The following PACRG variants were observed in gnomAD, a reference collection of about 807,000 sequenced individuals.
PACRG encodes the protein parkin coregulated gene protein.
Under a neutral mutation model 29.7 loss-of-function variants are expected in PACRG, and 29 were observed. That is an observed-to-expected ratio of 0.98 (90% CI 0.73 to 1.33). The LOEUF (loss-of-function observed/expected upper bound fraction) is 1.33, where lower values mean the gene tolerates loss of function less well. Among genes scored for constraint, PACRG ranks in the 40% most tolerant of loss-of-function variants. The pLI, the probability that PACRG is intolerant of heterozygous loss-of-function variation, is 0.00. For synonymous variants in PACRG, 116 were observed against 118.7 expected, an observed-to-expected ratio of 0.98 and a Z score of 0.15; for missense variants, 279 against 316.2, an observed-to-expected ratio of 0.88 and a Z score of 0.89.
intron 3 of PACRG, among the ~76,000 whole-genome samples, chr6:163,081,304 C>T (rs1420768740): frequency 6.6e-6 from 1 of 151,940 alleles, no homozygotes; most frequent in Non-Finnish European, 1.5e-5. Flanking sequence ...TAGACAAATT[C>T]ATAAAGACAA....
chr6:162,955,962 G>A (rs906225220), intron 2 of PACRG, among the ~76,000 whole-genome samples: 3 of 152,090 alleles, frequency 2.0e-5, no homozygotes, highest in Admixed American at 6.5e-5. Context: ...GCAGCCTGGC[G>A]ACATGGTGGT....
intron 2 of PACRG, among the ~76,000 whole-genome samples, chr6:162,930,462 ATTTG>A (rs1420660576): frequency 6.6e-6 from 1 of 151,886 alleles, no homozygotes; most frequent in Non-Finnish European, 1.5e-5. Flanking sequence ...ACTCTACTGA[ATTTG>A]TTTATTAGTT....
chr6:163,245,886 T>C (rs1365246365), intron 4 of PACRG, among the ~76,000 whole-genome samples: 1 of 152,186 alleles, frequency 6.6e-6, no homozygotes, highest in Non-Finnish European at 1.5e-5. Context: ...TAAAGTTATC[T>C]TGAAGTCCTC....
At chr6:162,747,406 A>G (rs12212244) in intron 1 of PACRG, among the ~76,000 whole-genome samples, 1 of 118,870 alleles carries the variant, frequency 8.4e-6, no homozygotes, top group African/African-American at 3.5e-5. Context: ...ATATATGTAT[A>G]TATATATATA....
intron 2 of PACRG, among the ~76,000 whole-genome samples, chr6:163,061,299 T>C (rs1279580440): frequency 6.6e-6 from 1 of 152,162 alleles, no homozygotes; most frequent in Non-Finnish European, 1.5e-5. Context: ...ACAGGTACCC[T>C]GGACAGTGGA....
rs144443544 is a variant in PACRG, at chr6:163,233,451, C to A, written c.614-81376C>A. On this transcript the variant is annotated intron_variant, in intron 4 of 4. Transcript: ENST00000366888. ...ACACCAGCCTTGAACTTGAGAGATG[C>A]CATTTTCTAAATTACCCTGTGTGGC... Among the ~76,000 whole-genome samples the A allele has an allele frequency of 1.1e-3, 162 of 152,326 alleles. 2 individuals carry two copies. The highest frequency in any genetic ancestry group is 2.8e-3 in the African/African-American group (117 of 41,572).
At chr6:162,862,028 A>G (rs925845727) in intron 2 of PACRG, among the ~76,000 whole-genome samples, 3 of 152,036 alleles carry the variant, frequency 2.0e-5, no homozygotes, top group Non-Finnish European at 4.4e-5. Context: ...GTCAGCTGAG[A>G]TCTTTGGTTT....
intron 1 of PACRG, among the ~76,000 whole-genome samples, chr6:162,776,519 T>G (rs1783654097): frequency 6.6e-6 from 1 of 152,158 alleles, no homozygotes; most frequent in Non-Finnish European, 1.5e-5. Flanking sequence ...GGATTAAAGA[T>G]AGCGTCCAGA....
intron 2 of PACRG, among the ~76,000 whole-genome samples, chr6:162,919,043 C>G (rs1796886119): frequency 6.6e-6 from 1 of 152,098 alleles, no homozygotes; most frequent in Non-Finnish European, 1.5e-5. Flanking sequence ...TGAAGCCCTA[C>G]AGAAGCTCAA....
intron 3 of PACRG, among the ~76,000 whole-genome samples, chr6:163,075,541 A>AATGATAAT (rs1167673098): frequency 6.6e-6 from 1 of 152,224 alleles, no homozygotes; most frequent in Non-Finnish European, 1.5e-5. Context: ...ATATATAAAA[A>AATGATAAT]ATGATAATAC....
intron 2 of PACRG, among the ~76,000 whole-genome samples, chr6:162,998,986 G>T (rs1804336409): frequency 6.6e-6 from 1 of 152,122 alleles, no homozygotes; most frequent in South Asian, 2.1e-4. Context: ...TATTCCTTCT[G>T]CAGGGCATGG....
chr6:163,260,021 G>C (rs1223009145), intron 4 of PACRG, among the ~76,000 whole-genome samples: 1 of 152,224 alleles, frequency 6.6e-6, no homozygotes, highest in African/African-American at 2.4e-5. Flanking sequence ...TCCTGATGAG[G>C]GTGCCCCAGG....
chr6:162,981,474 TC>T (rs1377409447), intron 2 of PACRG, among the ~76,000 whole-genome samples: 2 of 151,960 alleles, frequency 1.3e-5, no homozygotes, highest in Non-Finnish European at 2.9e-5. Flanking sequence ...ACGTGATGCC[TC>T]CAGATTTGTG....
At chr6:163,307,479 T>C (rs1037767820) in intron 4 of PACRG, among the ~76,000 whole-genome samples, 1 of 152,174 alleles carries the variant, frequency 6.6e-6, no homozygotes, top group African/African-American at 2.4e-5. Flanking sequence ...GATGCCGTGG[T>C]TATTGTAAGT....
intron 2 of PACRG, among the ~76,000 whole-genome samples, chr6:163,047,733 G>C (rs973171235): frequency 1.3e-5 from 2 of 152,166 alleles, no homozygotes; most frequent in African/African-American, 2.4e-5. Flanking sequence ...AGCATTTGTA[G>C]TAAAACAGCC....
At chr6:162,927,270 A>C (rs2128101586) in intron 2 of PACRG, among the ~76,000 whole-genome samples, 1 of 152,304 alleles carries the variant, frequency 6.6e-6, no homozygotes, top group South Asian at 2.1e-4. Flanking sequence ...TAGAACCAGA[A>C]GTATCATTTG....
rs1222521067 is a variant in PACRG, at chr6:162,801,366, C to T, written c.157-12781C>T. Among the ~76,000 whole-genome samples the T allele has an allele frequency of 3.3e-5, 5 of 152,088 alleles. No homozygotes were observed. The South Asian group carries it at 8.3e-4, about 25-fold the overall frequency. On this transcript the variant is annotated intron_variant, in intron 1 of 4. Coordinates refer to ENST00000366888, the MANE Select transcript of PACRG (RefSeq NM_001080379.2). The stretch of plus-strand genomic sequence containing the variant: ...TCAGGTGATCCGCCCCCCTTGGCCT[C>T]CCAAAATGCTGGGATTATAGGCGTA...
chr6:163,248,220 C>T lies in PACRG; in HGVS notation c.614-66607C>T, dbSNP rs117784958. The stretch of plus-strand genomic sequence containing the variant: ...GTGAGGAGCCTGTCACAATCATGTG[C>T]CCCGCAAGAAAGATTCCCTTCTTTG... On this transcript the variant is annotated intron_variant, in intron 4 of 4. Transcript: ENST00000366888. 1.2e-3 allele frequency among the ~76,000 whole-genome samples: 177 copies of T among 152,342 alleles called. 2 individuals carry two copies. In the East Asian group the frequency reaches 0.029, roughly 25 times the overall value.
chr6:162,782,541 C>T (rs1442506763), intron 1 of PACRG, among the ~76,000 whole-genome samples: 1 of 151,798 alleles, frequency 6.6e-6, no homozygotes. Context: ...CTTTTTAAAA[C>T]ATAGCACTTT....
Sources: allele counts gnomAD v4.1 joint callset (sites outside exome capture counted in the v4.1 genomes callset), GRCh38; gene constraint gnomAD v4.1.1; transcripts MANE v1.5; gene names NCBI Gene and HGNC (gene_info 2026-07-23, HGNC 2026-07-21).